The following QTRT2 variants were observed in gnomAD, a reference collection of about 807,000 sequenced individuals.
QTRT2 encodes the protein queuine tRNA-ribosyltransferase domain containing 1.
In QTRT2, 32 loss-of-function variants were observed where a neutral mutation model predicts 44.8. The ratio of observed to expected loss-of-function variants is 0.71; its 90% CI spans 0.54 to 0.96. The LOEUF is 0.96. QTRT2 is among the 40% of genes least tolerant of loss of function. The pLI is 0.00. For missense variants in QTRT2, 461 were observed against 503.1 expected (o/e 0.92, Z 0.80); for synonymous variants, 182 against 187.4 (o/e 0.97, Z 0.24).
At chr3:114,065,731 A>G (rs531210894) in intron 3 of QTRT2, among the ~76,000 whole-genome samples, 1 of 152,264 alleles carries the variant, frequency 6.6e-6, no homozygotes, top group African/African-American at 2.4e-5. Flanking sequence ...AGGGCGGGGA[A>G]TGTTCTGTGA....
At chr3:114,061,036 T>C (rs950358818) in intron 2 of QTRT2, among the ~76,000 whole-genome samples, 2 of 152,214 alleles carry the variant, frequency 1.3e-5, no homozygotes, top group Non-Finnish European at 2.9e-5. Context: ...AACTTATGTT[T>C]ATTTCAGGAA....
At chr3:114,068,619 CT>C (rs2107792171) in intron 5 of QTRT2, among the ~76,000 whole-genome samples, 1 of 152,346 alleles carries the variant, frequency 6.6e-6, no homozygotes, top group Admixed American at 6.5e-5. Context: ...TGTACTGCTA[CT>C]TTACAAACGC....
In QTRT2 at chr3:114,082,204, C is replaced by CCACACACACACACA. The variant is rs71146306; in HGVS notation, c.899-437_899-424dup. Among the ~76,000 whole-genome samples the CCACACACACACACA allele has an allele frequency of 3.7e-3, 508 of 138,824 alleles. 4 individuals carry two copies. Among genetic ancestry groups the CCACACACACACACA allele is most frequent in the African/African-American group, 0.011 (389 of 36,720 alleles). The allele number at this position is 138,824 out of a possible 152,430, so 91.1% of individuals were successfully genotyped here. A position where few individuals can be genotyped will look rare whatever the true frequency, so the allele number is the denominator to read the frequency against. On this transcript the variant is annotated intron_variant, in intron 8 of 9. Transcript: ENST00000281273. ...ATGATAAGGGATAGTGATAACCCCA[C>CCACACACACACACA]CACACACACACACACACACACACAC...
intron 2 of QTRT2, among the ~76,000 whole-genome samples, chr3:114,064,095 A>G (rs2076922037): frequency 6.6e-6 from 1 of 151,970 alleles, no homozygotes; most frequent in Admixed American, 6.6e-5. Context: ...CACACCTGTA[A>G]TCTCAACTAC....
chr3:114,061,225 G>A (rs1416707866), intron 2 of QTRT2, among the ~76,000 whole-genome samples: 1 of 152,064 alleles, frequency 6.6e-6, no homozygotes, highest in Non-Finnish European at 1.5e-5. Context: ...TTCATGTATT[G>A]CATTCTATAG....
Position 114,085,836 on chromosome 3 carries a change from A to G in QTRT2, c.1180A>G (p.Ile394Val). The change falls in exon 10 of 10, where the codon ATC becomes GTC. Residue 394 changes from isoleucine to valine, a missense_variant. Ile to Val is a conservative substitution (Grantham distance 29). Coordinates refer to ENST00000281273, the MANE Select transcript of QTRT2 (RefSeq NM_024638.4). ...FEHYFGFFHY[I>V]REALKSDKLA... ...ACACTACTTTGGGTTTTTCCATTAC[A>G]TCCGGGAAGCACTAAAAAGTGACAA... The G allele has an allele frequency of 6.2e-7, 1 of 1,614,136 alleles. No homozygotes were observed. The highest frequency in any genetic ancestry group is 8.5e-7 in the Non-Finnish European group (1 of 1,180,026).
chr3:114,066,207 ATTTTTCTG>A lies in QTRT2; in HGVS notation c.201-16_201-9del, dbSNP rs2076951823. 1 of 1,565,224 alleles carries A rather than the reference ATTTTTCTG, an allele frequency of 6.4e-7. No homozygotes were observed. Among genetic ancestry groups the A allele is most frequent in the South Asian group, 1.1e-5 (1 of 89,956 alleles). The stretch of plus-strand genomic sequence containing the variant: ...AGAATGACACATTATTATGTTATGT[ATTTTTCTG>A]TTTTGCTTACAGAGCAGAACATCAT... On this transcript the variant is annotated splice_polypyrimidine_tract_variant and intron_variant, in intron 3 of 9. Coordinates refer to ENST00000281273, the MANE Select transcript of QTRT2 (RefSeq NM_024638.4).
chr3:114,070,623 C>T lies in QTRT2; in HGVS notation c.334-3C>T, dbSNP rs1172265134. On this transcript the variant is annotated splice_region_variant and splice_polypyrimidine_tract_variant and intron_variant, in intron 5 of 9. Transcript: ENST00000281273. Reference sequence around the variant, plus strand: ...AATTCCTCATCATTTTGCTCCATGGCAGTCTGTGTCTGTGTGGAGTGTTGC... The same window carrying T: ...AATTCCTCATCATTTTGCTCCATGGTAGTCTGTGTCTGTGTGGAGTGTTGC... The T allele has an allele frequency of 6.2e-7, 1 of 1,613,264 alleles. No individual in the cohort carries two copies. Among genetic ancestry groups the T allele is most frequent in the Admixed American group, 1.7e-5 (1 of 60,012 alleles).
Position 114,079,897 on chromosome 3 carries a change from C to G in QTRT2, c.747-9C>G, listed in dbSNP as rs1379244497. 6.2e-7 allele frequency: 1 copy of G among 1,611,868 alleles called. No individual in the cohort carries two copies. The highest frequency in any genetic ancestry group is 8.5e-7 in the Non-Finnish European group (1 of 1,178,788). On this transcript the variant is annotated splice_polypyrimidine_tract_variant and intron_variant, in intron 7 of 9. Transcript: ENST00000281273. ...CCTCATGTCACTGTTCTTATTCTTA[C>G]TTTTACAGGCTCATATCTGGTGTTA...
chr3:114,071,841 C>CA (rs1190741972), intron 6 of QTRT2, among the ~76,000 whole-genome samples: 1 of 152,154 alleles, frequency 6.6e-6, no homozygotes, highest in Non-Finnish European at 1.5e-5. Flanking sequence ...TTGTAAAGCA[C>CA]AAACAAGAGC....
chr3:114,063,159 A>G (rs2076910632), intron 2 of QTRT2, among the ~76,000 whole-genome samples: 2 of 152,234 alleles, frequency 1.3e-5, no homozygotes, highest in South Asian at 2.1e-4. Context: ...GTTGATTTCA[A>G]TATTCAGTCA....
intron 5 of QTRT2, 32 bp from the exon 6 acceptor site, chr3:114,070,594 T>C (rs2077011761): frequency 3.2e-6 from 5 of 1,563,374 alleles, no homozygotes; most frequent in Non-Finnish European, 4.4e-6. Flanking sequence ...ATTTTACTCT[T>C]GCTAATTCCT....
At chr3:114,062,094 A>G (rs1443824174) in intron 2 of QTRT2, among the ~76,000 whole-genome samples, 2 of 151,870 alleles carry the variant, frequency 1.3e-5, no homozygotes, top group Non-Finnish European at 2.9e-5. Context: ...GGATGGGTGC[A>G]GTGGCTCACG....
Position 114,070,632 on chromosome 3 carries a change from T to C in QTRT2, c.340T>C (p.Ser114Pro). 1 of 1,614,036 alleles carries C rather than the reference T, an allele frequency of 6.2e-7. No individual in the cohort carries two copies. Among genetic ancestry groups the C allele is most frequent in the South Asian group, 1.1e-5 (1 of 91,070 alleles). ...TCATTTTGCTCCATGGCAGTCTGTGTCTGTGTGGAGTGTTGCAGGACGAGT... is the reference window on the plus strand; with the variant it reads ...TCATTTTGCTCCATGGCAGTCTGTGCCTGTGTGGAGTGTTGCAGGACGAGT... Reference protein sequence around the residue: ...PAGYVTNKSVSVWSVAGRVEM... With the variant: ...PAGYVTNKSVPVWSVAGRVEM... Residue 114 changes from serine (S) to proline (P), a missense_variant, in exon 6 of 10, where the codon TCT becomes CCT. Ser to Pro is a moderately conservative substitution (Grantham distance 74). Transcript: ENST00000281273.
At chr3:114,088,422 ATGT>A (rs1378700232), downstream of QTRT2, 20 of 151,488 alleles carry the variant, frequency 1.3e-4, no homozygotes, top group South Asian at 2.1e-3. Context: ...AGTACCAGAA[ATGT>A]TGTAGAGATT....
intron 6 of QTRT2, among the ~76,000 whole-genome samples, chr3:114,071,144 A>G (rs1429884648): frequency 6.6e-6 from 1 of 152,134 alleles, no homozygotes; most frequent in Non-Finnish European, 1.5e-5. Flanking sequence ...GAATTATGTA[A>G]TTACTGGGCT....
At chr3:114,080,477 T>A (rs1362606941) in intron 8 of QTRT2, among the ~76,000 whole-genome samples, 2 of 152,188 alleles carry the variant, frequency 1.3e-5, no homozygotes, top group Admixed American at 1.3e-4. Flanking sequence ...CTGATCCTAG[T>A]GTTACTTCTT....
At chr3:114,064,750 G>A (rs576306632) in intron 2 of QTRT2, among the ~76,000 whole-genome samples, 1 of 152,156 alleles carries the variant, frequency 6.6e-6, no homozygotes, top group African/African-American at 2.4e-5. Flanking sequence ...ATAAACACCA[G>A]GATGCTCTTT....
intron 6 of QTRT2, among the ~76,000 whole-genome samples, chr3:114,074,564 T>C (rs925789192): frequency 3.3e-5 from 5 of 152,248 alleles, no homozygotes; most frequent in African/African-American, 1.2e-4. Context: ...TCACCCTTAA[T>C]TTATTTTTCA....
Sources: allele counts gnomAD v4.1 joint callset (sites outside exome capture counted in the v4.1 genomes callset), GRCh38; gene constraint gnomAD v4.1.1; transcripts MANE v1.5; gene names NCBI Gene and HGNC (gene_info 2026-07-23, HGNC 2026-07-21).